Variants in SUMF1 observed in about 807,000 individuals in gnomAD.
The protein encoded by SUMF1 is formylglycine-generating enzyme.
Under a neutral mutation model 47.6 loss-of-function variants are expected in SUMF1, and 48 were observed. The ratio of observed to expected loss-of-function variants is 1.01; its 90% CI spans 0.80 to 1.28. The LOEUF is 1.28. Ranked by LOEUF, SUMF1 falls within the 50% of genes most tolerant of loss-of-function variation. SUMF1 has a pLI of 0.00. For synonymous variants in SUMF1, 230 were observed against 192.1 expected (o/e 1.20, Z -1.63); for missense variants, 571 against 485.4 (o/e 1.18, Z -1.66).
chr3:4,130,457 C>A (rs560085293), intron 8 of SUMF1, among the ~76,000 whole-genome samples: 21 of 152,184 alleles, frequency 1.4e-4, no homozygotes, highest in Non-Finnish European at 2.9e-4. Flanking sequence ...ACCTTGATCT[C>A]TTTTTGCTTC....
At chr3:4,102,446 TA>T in intron 8 of SUMF1, among the ~76,000 whole-genome samples, 1 of 152,128 alleles carries the variant, frequency 6.6e-6, no homozygotes, top group Non-Finnish European at 1.5e-5. Context: ...GCAGTAATGA[TA>T]GAGTCCAGTC....
intron 8 of SUMF1, among the ~76,000 whole-genome samples, chr3:4,092,982 A>C (rs1487752296): frequency 2.0e-5 from 3 of 152,132 alleles, no homozygotes; most frequent in Non-Finnish European, 4.4e-5. Flanking sequence ...TGAATGTGCC[A>C]ATGTTTATAG....
At chr3:4,178,426 C>A (rs1350215512) in intron 8 of SUMF1, among the ~76,000 whole-genome samples, 2 of 152,142 alleles carry the variant, frequency 1.3e-5, no homozygotes, top group African/African-American at 4.8e-5. Flanking sequence ...ATAAACAGAA[C>A]CAATGACAAA....
chr3:4,067,693 G>A (rs914331026), intron 9 of SUMF1, among the ~76,000 whole-genome samples: 5 of 152,104 alleles, frequency 3.3e-5, no homozygotes, highest in South Asian at 2.1e-4. Flanking sequence ...ACAAATATCC[G>A]TGCTCAATCA....
intron 8 of SUMF1, among the ~76,000 whole-genome samples, chr3:4,293,672 C>G (rs774161871): frequency 2.0e-4 from 30 of 152,130 alleles, no homozygotes; most frequent in Non-Finnish European, 3.7e-4. Flanking sequence ...ATAGACTGTT[C>G]TAAGTAGTCA....
At chr3:4,390,646 G>A (rs546880738) in intron 7 of SUMF1, among the ~76,000 whole-genome samples, 232 of 152,248 alleles carry the variant, frequency 1.5e-3, no homozygotes, top group Non-Finnish European at 2.0e-3. Flanking sequence ...ACAGTGGCAC[G>A]ATCTTGGCTC....
At chr3:4,046,907 A>C (rs1695018003) in intron 9 of SUMF1, among the ~76,000 whole-genome samples, 1 of 152,006 alleles carries the variant, frequency 6.6e-6, no homozygotes, top group Non-Finnish European at 1.5e-5. Flanking sequence ...CTTCGTAATT[A>C]AATAAAATTT....
chr3:4,165,068 G>C (rs949629569), intron 8 of SUMF1, among the ~76,000 whole-genome samples: 2 of 152,120 alleles, frequency 1.3e-5, no homozygotes, highest in African/African-American at 4.8e-5. Flanking sequence ...TGCATACTGG[G>C]AACAGCTTGC....
At chr3:4,340,940 A>T (rs191072) in intron 8 of SUMF1, among the ~76,000 whole-genome samples, 150,341 of 152,272 alleles carry the variant, frequency 0.99, 74,217 homozygotes, top group Middle Eastern at 1. Context: ...AATTGCTTCA[A>T]TTTTTTTTCT....
chr3:4,178,969 G>A (rs1695032788), intron 8 of SUMF1, among the ~76,000 whole-genome samples: 2 of 152,054 alleles, frequency 1.3e-5, no homozygotes, highest in African/African-American at 2.4e-5. Flanking sequence ...AAATACCCAG[G>A]AATCCAACTT....
chr3:4,091,365 A>C (rs891973618), intron 8 of SUMF1, among the ~76,000 whole-genome samples: 1 of 152,066 alleles, frequency 6.6e-6, no homozygotes, highest in Non-Finnish European at 1.5e-5. Flanking sequence ...ATAAATATTA[A>C]CTTGGATATA....
intron 8 of SUMF1, among the ~76,000 whole-genome samples, chr3:4,286,563 A>T (rs1004110067): frequency 1.3e-5 from 2 of 152,282 alleles, no homozygotes; most frequent in East Asian, 3.9e-4. Context: ...TTATTGTTTA[A>T]ATTTCATTTT....
At chr3:4,085,675 C>G (rs1692656257) in intron 8 of SUMF1, among the ~76,000 whole-genome samples, 1 of 152,068 alleles carries the variant, frequency 6.6e-6, no homozygotes, top group African/African-American at 2.4e-5. Context: ...ACCACCCTGG[C>G]CAGAACTGAT....
At chr3:4,363,232 TATTA>T (rs1342405198) in intron 8 of SUMF1, among the ~76,000 whole-genome samples, 4 of 152,174 alleles carry the variant, frequency 2.6e-5, no homozygotes, top group Non-Finnish European at 5.9e-5. Flanking sequence ...ATATTTATGA[TATTA>T]TTTATTATCT....
intron 8 of SUMF1, among the ~76,000 whole-genome samples, chr3:4,119,391 T>C (rs10510289): frequency 0.061 from 9,283 of 152,174 alleles, 597 homozygotes; most frequent in African/African-American, 0.16. Context: ...AGTTTGACTA[T>C]GACCCATGTT....
intron 8 of SUMF1, among the ~76,000 whole-genome samples, chr3:4,373,137 TA>T (rs1174598562): frequency 6.6e-6 from 1 of 152,004 alleles, no homozygotes; most frequent in African/African-American, 2.4e-5. Flanking sequence ...TTATAAAACA[TA>T]GAGTTACAAC....
intron 6 of SUMF1, among the ~76,000 whole-genome samples, chr3:4,411,722 A>AC (rs1163624633): frequency 1.3e-5 from 2 of 151,912 alleles, no homozygotes; most frequent in South Asian, 2.1e-4. Flanking sequence ...AAAAAAAAAA[A>AC]ACTTTAACTG....
chr3:4,408,416 C>T (rs1166629908), intron 7 of SUMF1, among the ~76,000 whole-genome samples: 2 of 152,104 alleles, frequency 1.3e-5, no homozygotes, highest in Non-Finnish European at 2.9e-5. Context: ...ATTTTCTGTA[C>T]TATTCTGAAT....
At chr3:4,202,941 C>A (rs925112057) in intron 8 of SUMF1, among the ~76,000 whole-genome samples, 14 of 151,720 alleles carry the variant, frequency 9.2e-5, no homozygotes, top group Non-Finnish European at 7.4e-5. Flanking sequence ...AGGAAAGATA[C>A]TTGATATTAT....
Sources: allele counts gnomAD v4.1 joint callset (sites outside exome capture counted in the v4.1 genomes callset), GRCh38; gene constraint gnomAD v4.1.1; transcripts MANE v1.5; gene names NCBI Gene and HGNC (gene_info 2026-07-23, HGNC 2026-07-21).